ADGRE2: variants seen among roughly 807,000 people sequenced by gnomAD.
The protein encoded by ADGRE2 is CD97 antigen.
Under a neutral mutation model 100.8 loss-of-function variants are expected in ADGRE2, and 83 were observed. That is an observed-to-expected ratio of 0.82 (90% confidence interval 0.69 to 0.99). The LOEUF is 0.99. Among genes scored for constraint, ADGRE2 ranks in the 50% least tolerant of loss-of-function variants. ADGRE2 has a pLI of 0.00. For synonymous variants in ADGRE2, 355 were observed against 413.0 expected (o/e 0.86, Z 1.70); for missense variants, 814 against 1,035.7 (o/e 0.79, Z 2.94).
intron 20 of ADGRE2, among the ~76,000 whole-genome samples, chr19:14,742,413 A>G (rs948880249): frequency 6.6e-6 from 1 of 152,102 alleles, no homozygotes; most frequent in Non-Finnish European, 1.5e-5. Flanking sequence ...TAAATGCTTT[A>G]TAGGGACGAG....
rs564281798 is a variant in ADGRE2, at chr19:14,754,602, A to G, written c.1590+352T>C. ...CAGATAGGAATGCTAGAAGTTTGCC[A>G]GAGGGTCATGTGAGAAGGGATATGA... On this transcript the variant is annotated intron_variant, in intron 14 of 20. Transcript: ENST00000315576. 3.9e-5 allele frequency among the ~76,000 whole-genome samples: 6 copies of G among 152,288 alleles called. No homozygotes were observed. In the East Asian group the frequency reaches 5.8e-4, roughly 15 times the overall value.
Position 14,770,313 on chromosome 19 carries a change from C to T in ADGRE2, c.355+2029G>A, listed in dbSNP as rs1353702952. ...TCCTCTTGCCATGGGATGCCAGCTT[C>T]CCCTTTCCCGTCTGCCAAGAGTGGA... On this transcript the variant is annotated intron_variant, in intron 5 of 20. Coordinates refer to ENST00000315576, the MANE Select transcript of ADGRE2 (RefSeq NM_013447.4). 2.6e-5 allele frequency among the ~76,000 whole-genome samples: 4 copies of T among 152,294 alleles called. No homozygotes were observed. The East Asian group carries it at 7.7e-4, about 29-fold the overall frequency.
chr19:14,731,547 G>T (rs2042671623), downstream of ADGRE2: 1 of 242,954 alleles, frequency 4.1e-6, no homozygotes, highest in South Asian at 9.9e-5. Flanking sequence ...AGAGCTGGAG[G>T]GAGAGGGTTC....
intron 13 of ADGRE2, 35 bp downstream of exon 13, chr19:14,755,619 C>T (rs761438059): frequency 1.3e-6 from 2 of 1,590,678 alleles, no homozygotes; most frequent in South Asian, 1.1e-5. Context: ...CGGACTCAGA[C>T]TATTCACCCA....
At chr19:14,727,219 A>G in the ADGRE2 span, among the ~76,000 whole-genome samples, 70 of 152,002 alleles carry the variant, frequency 4.6e-4, no homozygotes, top group East Asian at 6.4e-3. Context: ...TAGTAGAGAC[A>G]GGGTTTCACC....
At position 14,754,936 on chromosome 19, in the gene ADGRE2, C is replaced by G. The variant is rs1204964367; in HGVS notation, c.1590+18G>C. The G allele has an allele frequency of 6.2e-7, 1 of 1,609,712 alleles. No homozygotes were observed. The highest frequency in any genetic ancestry group is 1.7e-5 in the Admixed American group (1 of 59,802). Reference sequence around the variant, plus strand: ...CACGGCAATAAATGCAGAGTGCATCCCCTCCTAAGGGTCTCACCTGCACAT... The same window carrying G: ...CACGGCAATAAATGCAGAGTGCATCGCCTCCTAAGGGTCTCACCTGCACAT... On this transcript the variant is annotated intron_variant, in intron 14 of 20. Transcript: ENST00000315576.
rs374048528 is a variant in ADGRE2, at chr19:14,775,268, G to A, written c.32-962C>T. Among the ~76,000 whole-genome samples, 25 of 152,176 alleles carry A rather than the reference G, an allele frequency of 1.6e-4. No homozygotes were observed. In the East Asian group the frequency reaches 4.9e-3, roughly 30 times the overall value. On this transcript the variant is annotated intron_variant, in intron 2 of 20. Coordinates refer to ENST00000315576, the MANE Select transcript of ADGRE2 (RefSeq NM_013447.4). ...GATCTGCCCGCCTTGGCCTCTCAAAGTGCTGGGATTACAGGCATGAGCCAT... is the reference window on the plus strand; with the variant it reads ...GATCTGCCCGCCTTGGCCTCTCAAAATGCTGGGATTACAGGCATGAGCCAT...
chr19:14,773,870 C>A lies in ADGRE2; in HGVS notation c.199+68G>T, dbSNP rs1053246075. On this transcript the variant is annotated intron_variant, in intron 4 of 20. Transcript: ENST00000315576. Reference sequence around the variant, plus strand: ...TGTGGCCCCTCACAACAACCTCTGTCCCCCACTGGCACTGGGCTATGCCTC... The same window carrying A: ...TGTGGCCCCTCACAACAACCTCTGTACCCCACTGGCACTGGGCTATGCCTC... 15 of 1,402,576 alleles carry A rather than the reference C, an allele frequency of 1.1e-5. No homozygotes were observed. The Admixed American group carries it at 2.0e-4, about 19-fold the overall frequency. The allele number at this position is 1,402,576 out of a possible 1,614,324, so 86.9% of individuals were successfully genotyped here.
chr19:14,754,469 A>ATCTG (rs1318630475), intron 14 of ADGRE2, among the ~76,000 whole-genome samples: 1 of 149,604 alleles, frequency 6.7e-6, no homozygotes, highest in African/African-American at 2.5e-5. Flanking sequence ...CTATCTATCT[A>ATCTG]TCTATCTATC....
chr19:14,766,848 G>C (rs1404252186), intron 6 of ADGRE2, 130 bp downstream of exon 6: 1 of 1,080,138 alleles, frequency 9.3e-7, no homozygotes, highest in Non-Finnish European at 1.3e-6. Flanking sequence ...CTTAGGCAGG[G>C]GCTTAGCAGG....
intron 20 of ADGRE2, 54 bp downstream of exon 20, chr19:14,743,366 T>C: frequency 1.4e-6 from 2 of 1,424,036 alleles, no homozygotes; most frequent in South Asian, 2.3e-5. Flanking sequence ...GATAGGCACA[T>C]GCTCCTCAGG....
the ADGRE2 span, among the ~76,000 whole-genome samples, chr19:14,724,350 C>G: frequency 6.9e-4 from 105 of 152,314 alleles, no homozygotes; most frequent in African/African-American, 2.4e-3. Flanking sequence ...CTTACTGATT[C>G]ACTTGGGGAG....
intron 11 of ADGRE2, among the ~76,000 whole-genome samples, chr19:14,759,620 C>G (rs1185778117): frequency 6.6e-6 from 1 of 150,644 alleles, no homozygotes; most frequent in Non-Finnish European, 1.5e-5. Context: ...CCTCAGCTTC[C>G]CAGGTAGCTG....
At chr19:14,736,298 G>A (rs1377682213) in intron 20 of ADGRE2, 54 bp from the exon 21 acceptor site, 1 of 1,275,828 alleles carries the variant, frequency 7.8e-7, no homozygotes, top group East Asian at 2.6e-5. Flanking sequence ...TTTCACTCTT[G>A]TTGCCTGGGC....
intron 14 of ADGRE2, among the ~76,000 whole-genome samples, chr19:14,752,836 A>G (rs2043344171): frequency 6.6e-6 from 1 of 151,234 alleles, no homozygotes; most frequent in African/African-American, 2.4e-5. Flanking sequence ...CAGTGGTGCG[A>G]TCTCTGCTCA....
chr19:14,761,174 C>G (rs889683221), intron 11 of ADGRE2, among the ~76,000 whole-genome samples: 1 of 152,200 alleles, frequency 6.6e-6, no homozygotes, highest in Non-Finnish European at 1.5e-5. Flanking sequence ...GAGGCCGAGG[C>G]AGGCGGATCA....
chr19:14,778,295 C>CT lies in ADGRE2; in HGVS notation c.-211dup, dbSNP rs2044501231. The CT allele has an allele frequency of 6.5e-6, 1 of 153,878 alleles. No individual in the cohort carries two copies. 9.5% of individuals were successfully genotyped at this position (153,878 alleles called of 1,614,324 possible). A position where few individuals can be genotyped will look rare whatever the true frequency, so the allele number is the denominator to read the frequency against. ...CAGACGTCTGTGGTCCCAGCTGCTACTACTCAGGAGGCTGAGGCAGGAAGA... is the reference window on the plus strand; with the variant it reads ...CAGACGTCTGTGGTCCCAGCTGCTACTTACTCAGGAGGCTGAGGCAGGAAGA... On this transcript the variant is annotated 5_prime_UTR_variant, in exon 1 of 21. Transcript: ENST00000315576.
chr19:14,759,005 G>T (rs1417597956), intron 11 of ADGRE2, among the ~76,000 whole-genome samples: 2 of 152,092 alleles, frequency 1.3e-5, no homozygotes, highest in Non-Finnish European at 2.9e-5. Context: ...TTGGGTAGGC[G>T]GTGTCCGATT....
At chr19:14,737,998 A>G (rs2042810001) in intron 20 of ADGRE2, among the ~76,000 whole-genome samples, 2 of 151,524 alleles carry the variant, frequency 1.3e-5, no homozygotes, top group African/African-American at 2.4e-5. Context: ...AAAAAGTTGT[A>G]TCTGAAGTAG....
Sources: gnomAD v4.1 joint callset for allele counts (sites outside exome capture counted in the v4.1 genomes callset) on GRCh38, gnomAD v4.1.1 for gene constraint, MANE v1.5 for transcripts, NCBI Gene and HGNC (gene_info 2026-07-23, HGNC 2026-07-21) for gene names.